CHRM3: variants seen among roughly 807,000 people sequenced by gnomAD.
CHRM3 encodes cholinergic receptor muscarinic 3, also known as muscarinic acetylcholine receptor M3.
CHRM3 carries 11 observed loss-of-function variants against 41.8 expected under a neutral mutation model. The ratio of observed to expected loss-of-function variants is 0.26; its 90% CI spans 0.17 to 0.44. The LOEUF (loss-of-function observed/expected upper bound fraction) is 0.44. CHRM3 is among the 20% of genes least tolerant of loss of function. The pLI, the probability that CHRM3 is intolerant of heterozygous loss-of-function variation, is 1.00. For synonymous variants in CHRM3, 297 were observed against 301.4 expected, an observed-to-expected ratio of 0.99 and a Z score of 0.15; for missense variants, 571 against 745.4, an observed-to-expected ratio of 0.77 and a Z score of 2.72.
Position 239,520,559 on chromosome 1 carries a change from C to T in CHRM3, c.-421-25082C>T, listed in dbSNP as rs529630862. 2.6e-5 allele frequency among the ~76,000 whole-genome samples: 4 copies of T among 152,272 alleles called. No individual in the cohort carries two copies. The South Asian group carries it at 6.2e-4, about 24-fold the overall frequency. ...TTCATGAGGCCTCCCCTGAAGCAGA[C>T]GTCTGTGTTATGCTTCTTGTACATC... On this transcript the variant is annotated intron_variant, in intron 2 of 6. Coordinates refer to ENST00000676153, the MANE Select transcript of CHRM3 (RefSeq NM_001375978.1).
intron 5 of CHRM3, among the ~76,000 whole-genome samples, chr1:239,779,268 T>A (rs1668335015): frequency 6.6e-6 from 1 of 152,094 alleles, no homozygotes; most frequent in Non-Finnish European, 1.5e-5. Flanking sequence ...GTTTTCAGCA[T>A]CCCCCACCAG....
At chr1:239,868,435 C>G (rs1264375188) in intron 6 of CHRM3, among the ~76,000 whole-genome samples, 1 of 152,072 alleles carries the variant, frequency 6.6e-6, no homozygotes, top group Non-Finnish European at 1.5e-5. Context: ...TCTCTTTTTT[C>G]CCTTCTCTCA....
At chr1:239,408,944 A>G (rs991768811) in intron 1 of CHRM3, among the ~76,000 whole-genome samples, 6 of 152,152 alleles carry the variant, frequency 3.9e-5, no homozygotes, top group African/African-American at 1.4e-4. Context: ...TTGATGTGCC[A>G]CAAGACACTT....
intron 1 of CHRM3, among the ~76,000 whole-genome samples, chr1:239,390,513 G>A (rs1456795543): frequency 2.0e-5 from 3 of 151,926 alleles, no homozygotes; most frequent in Admixed American, 1.3e-4. Context: ...GCTAAGCAGA[G>A]TATTTCTTCA....
chr1:239,796,077 C>G (rs971973171), intron 5 of CHRM3, among the ~76,000 whole-genome samples: 1 of 152,196 alleles, frequency 6.6e-6, no homozygotes, highest in African/African-American at 2.4e-5. Flanking sequence ...ACTCCTGTTG[C>G]TATTATAGTT....
At chr1:239,845,001 C>T (rs1457163567) in intron 6 of CHRM3, among the ~76,000 whole-genome samples, 1 of 152,132 alleles carries the variant, frequency 6.6e-6, no homozygotes, top group African/African-American at 2.4e-5. Context: ...CAGATGGAAG[C>T]AGTATTTCAT....
rs915497162 is a variant in CHRM3 at position 239,914,099 on chromosome 1, C to G, written c.*4875C>G. 3 of 167,070 alleles carry G rather than the reference C, an allele frequency of 1.8e-5. No homozygotes were observed. Among genetic ancestry groups the G allele is most frequent in the African/African-American group, 7.2e-5 (3 of 41,452 alleles). 10.3% of individuals were successfully genotyped at this position (167,070 alleles called of 1,614,324 possible). A position where few individuals can be genotyped will look rare whatever the true frequency, so the allele number is the denominator to read the frequency against. Reference sequence around the variant, plus strand: ...AAACTTCCCGCACCCAAATTATAATCCGGCAACCCTAGCTTCAGCTAAAAA... The same window carrying G: ...AAACTTCCCGCACCCAAATTATAATGCGGCAACCCTAGCTTCAGCTAAAAA... On this transcript the variant is annotated 3_prime_UTR_variant, in exon 7 of 7. Coordinates refer to ENST00000676153, the MANE Select transcript of CHRM3 (RefSeq NM_001375978.1).
chr1:239,442,176 G>A (rs142888542), intron 1 of CHRM3, among the ~76,000 whole-genome samples: 191 of 151,052 alleles, frequency 1.3e-3, no homozygotes, highest in African/African-American at 1.7e-3. Context: ...TTTAATTCTC[G>A]GCTCACTGCA....
At chr1:239,580,185 T>G (rs1336829584) in intron 3 of CHRM3, among the ~76,000 whole-genome samples, 1 of 151,816 alleles carries the variant, frequency 6.6e-6, no homozygotes, top group Non-Finnish European at 1.5e-5. Context: ...AAGATGACAG[T>G]ACTTTCCCTC....
intron 1 of CHRM3, among the ~76,000 whole-genome samples, chr1:239,456,667 A>G (rs142163443): frequency 8.5e-5 from 13 of 152,282 alleles, no homozygotes; most frequent in African/African-American, 2.6e-4. Flanking sequence ...GAATGGCCCA[A>G]TTGGGGTACC....
chr1:239,793,927 C>G (rs1226052332), intron 5 of CHRM3, among the ~76,000 whole-genome samples: 1 of 147,608 alleles, frequency 6.8e-6, no homozygotes, highest in Admixed American at 7.0e-5. Context: ...TTCCTCCTAC[C>G]TCAGCCTCCC....
intron 1 of CHRM3, among the ~76,000 whole-genome samples, chr1:239,465,615 A>G (rs1342248773): frequency 2.6e-5 from 4 of 152,030 alleles, no homozygotes; most frequent in Non-Finnish European, 2.9e-5. Context: ...TCCATGGCCA[A>G]ACTAGGAACT....
intron 1 of CHRM3, among the ~76,000 whole-genome samples, chr1:239,424,458 G>A (rs543589667): frequency 6.6e-6 from 1 of 152,270 alleles, no homozygotes; most frequent in East Asian, 1.9e-4. Context: ...AACTGAAATG[G>A]ACATGACATT....
chr1:239,613,426 T>C (rs1449746024), intron 3 of CHRM3, among the ~76,000 whole-genome samples: 1 of 152,178 alleles, frequency 6.6e-6, no homozygotes, highest in Admixed American at 6.5e-5. Flanking sequence ...TATTTAAATA[T>C]AGGGTTTGTA....
At chr1:239,591,027 A>G (rs925266168) in intron 3 of CHRM3, among the ~76,000 whole-genome samples, 1 of 152,180 alleles carries the variant, frequency 6.6e-6, no homozygotes, top group African/African-American at 2.4e-5. Context: ...AATGCTCATT[A>G]TGCTGGGCGC....
chr1:239,413,579 C>T (rs1661276239), intron 1 of CHRM3, among the ~76,000 whole-genome samples: 1 of 152,216 alleles, frequency 6.6e-6, no homozygotes, highest in Admixed American at 6.5e-5. Flanking sequence ...TGAGCCACCA[C>T]ACCTGGCCAC....
At chr1:239,554,981 G>T (rs1162722138) in intron 3 of CHRM3, among the ~76,000 whole-genome samples, 5 of 152,016 alleles carry the variant, frequency 3.3e-5, no homozygotes, top group African/African-American at 1.2e-4. Context: ...TCCCACCTTG[G>T]CCTCCCAAGG....
intron 3 of CHRM3, among the ~76,000 whole-genome samples, chr1:239,591,875 A>C (rs1664195937): frequency 6.6e-6 from 1 of 152,160 alleles, no homozygotes; most frequent in South Asian, 2.1e-4. Flanking sequence ...TGTCATTTCT[A>C]TGTCCTCAGG....
chr1:239,404,728 ATATAT>A lies in CHRM3; in HGVS notation c.-521+17502_-521+17506del, dbSNP rs150298470. Among the ~76,000 whole-genome samples the A allele has an allele frequency of 3.1e-3, 400 of 130,228 alleles. 1 individual carries two copies. Among genetic ancestry groups the A allele is most frequent in the Middle Eastern group, 0.02 (5 of 244 alleles). 85.4% of individuals were successfully genotyped at this position (130,228 alleles called of 152,430 possible). The stretch of plus-strand genomic sequence containing the variant: ...TATCATGCTATATCTAAATATATAT[ATATAT>A]ATATATATATATATATATATATATG... On this transcript the variant is annotated intron_variant, in intron 1 of 6. Transcript: ENST00000676153.
Sources: gnomAD v4.1 joint callset for allele counts (sites outside exome capture counted in the v4.1 genomes callset) on GRCh38, gnomAD v4.1.1 for gene constraint, MANE v1.5 for transcripts, NCBI Gene and HGNC (gene_info 2026-07-23, HGNC 2026-07-21) for gene names.